C8orf34: variants seen among roughly 807,000 people sequenced by gnomAD.
The protein encoded by C8orf34 is chromosome 8 open reading frame 34, also known as uncharacterized protein C8orf34.
C8orf34 carries 65 observed loss-of-function variants against 68.3 expected under a neutral mutation model. The observed-to-expected ratio is 0.95, with a 90% CI of 0.78 to 1.17. The LOEUF is 1.17. Ranked by LOEUF, C8orf34 falls within the 50% of genes most tolerant of loss-of-function variation. The pLI, the probability that C8orf34 is intolerant of heterozygous loss-of-function variation, is 0.00. For synonymous variants in C8orf34, 244 were observed against 241.2 expected, an observed-to-expected ratio of 1.01 and a Z score of -0.11; for missense variants, 664 against 655.4, an observed-to-expected ratio of 1.01 and a Z score of -0.14.
chr8:68,800,043 G>T (rs549142688), intron 12 of C8orf34, among the ~76,000 whole-genome samples: 1 of 152,266 alleles, frequency 6.6e-6, no homozygotes, highest in African/African-American at 2.4e-5. Flanking sequence ...GACACAGGGG[G>T]TGAGAAGGAA....
At chr8:68,546,559 C>T (rs957055774) in intron 7 of C8orf34, among the ~76,000 whole-genome samples, 2 of 151,478 alleles carry the variant, frequency 1.3e-5, no homozygotes, top group Non-Finnish European at 3.0e-5. Flanking sequence ...ACATATTTCT[C>T]TAAATAATTC....
intron 1 of C8orf34, among the ~76,000 whole-genome samples, chr8:68,367,909 A>C (rs1807362782): frequency 1.0e-5 from 1 of 96,004 alleles, no homozygotes; most frequent in East Asian, 3.5e-4. Flanking sequence ...TAAAAAAAGA[A>C]AAGAAAAAAA....
intron 3 of C8orf34, among the ~76,000 whole-genome samples, chr8:68,464,146 T>A (rs1038743584): frequency 4.0e-4 from 61 of 151,962 alleles, no homozygotes; most frequent in African/African-American, 1.4e-3. Flanking sequence ...TATACACCAA[T>A]AACAGACAAA....
intron 3 of C8orf34, among the ~76,000 whole-genome samples, chr8:68,466,171 A>C (rs1412786882): frequency 2.0e-5 from 3 of 152,060 alleles, no homozygotes; most frequent in African/African-American, 7.2e-5. Context: ...GGAGCCAATA[A>C]AACTAATCAC....
chr8:68,557,862 G>T (rs763740139), intron 7 of C8orf34, among the ~76,000 whole-genome samples: 21 of 152,140 alleles, frequency 1.4e-4, no homozygotes, highest in Non-Finnish European at 2.8e-4. Context: ...TCCAGACCAG[G>T]TGCCCATAGC....
intron 8 of C8orf34, among the ~76,000 whole-genome samples, chr8:68,677,793 A>G (rs774086598): frequency 6.6e-6 from 1 of 152,222 alleles, no homozygotes. Context: ...TCAACAAAAC[A>G]AAAAATTGGC....
chr8:68,775,046 A>G (rs1823472947), intron 10 of C8orf34, among the ~76,000 whole-genome samples: 1 of 145,146 alleles, frequency 6.9e-6, no homozygotes, highest in South Asian at 2.2e-4. Context: ...TGAACCTGGG[A>G]GGCGGAAGTT....
intron 10 of C8orf34, among the ~76,000 whole-genome samples, chr8:68,736,979 TA>T (rs1272943641): frequency 1.3e-5 from 2 of 152,104 alleles, no homozygotes; most frequent in Admixed American, 6.6e-5. Flanking sequence ...TTTATCTAAC[TA>T]AATAACAGTA....
Position 68,490,938 on chromosome 8 carries a change from C to G in C8orf34, c.765+2887C>G, listed in dbSNP as rs567365125. Reference sequence around the variant, plus strand: ...AGGGAGGCAGCCACTGAAAAACAGCCAATCGGAATGGTTTGCAGTTAGTAT... The same window carrying G: ...AGGGAGGCAGCCACTGAAAAACAGCGAATCGGAATGGTTTGCAGTTAGTAT... On this transcript the variant is annotated intron_variant, in intron 5 of 13. Transcript: ENST00000518698. Among the ~76,000 whole-genome samples the G allele has an allele frequency of 7.2e-5, 11 of 152,296 alleles. No individual in the cohort carries two copies. The South Asian group carries it at 2.3e-3, about 32-fold the overall frequency.
chr8:68,559,111 A>G (rs6472406), intron 7 of C8orf34, among the ~76,000 whole-genome samples: 40,093 of 152,040 alleles, frequency 0.26, 8,201 homozygotes, highest in African/African-American at 0.58. Context: ...GATCATATTT[A>G]CATTTTAAAA....
chr8:68,670,163 T>C (rs1216514391), intron 8 of C8orf34, among the ~76,000 whole-genome samples: 1 of 152,184 alleles, frequency 6.6e-6, no homozygotes, highest in Non-Finnish European at 1.5e-5. Flanking sequence ...CATAAAATGA[T>C]ATCCCAAATT....
chr8:68,370,420 C>T (rs1242393262), intron 1 of C8orf34, among the ~76,000 whole-genome samples: 1 of 152,158 alleles, frequency 6.6e-6, no homozygotes, highest in Admixed American at 6.5e-5. Flanking sequence ...AAGAGCCAAT[C>T]CCAGTGGCAA....
chr8:68,772,596 T>C (rs1188083202), intron 10 of C8orf34, among the ~76,000 whole-genome samples: 2 of 152,202 alleles, frequency 1.3e-5, no homozygotes, highest in Non-Finnish European at 2.9e-5. Context: ...TAAACACTTA[T>C]CTCAACTGCG....
intron 4 of C8orf34, among the ~76,000 whole-genome samples, chr8:68,486,885 C>A (rs551314624): frequency 1.3e-5 from 2 of 152,166 alleles, no homozygotes; most frequent in Non-Finnish European, 2.9e-5. Context: ...AAACTTTAGA[C>A]CTTTCCTTAT....
At position 68,450,889 on chromosome 8, in the gene C8orf34, T is replaced by G. The variant is rs28815768; in HGVS notation, c.607+4429T>G. 4.4e-3 allele frequency among the ~76,000 whole-genome samples: 664 copies of G among 152,238 alleles called. 8 individuals are homozygous for G. Among genetic ancestry groups the G allele is most frequent in the African/African-American group, 0.015 (632 of 41,558 alleles). ...TTAGCCCCTGATAAGAGAGTCAGCCTATCCTTTGAAACTTGAAGCCAGGCA... is the reference window on the plus strand; with the variant it reads ...TTAGCCCCTGATAAGAGAGTCAGCCGATCCTTTGAAACTTGAAGCCAGGCA... On this transcript the variant is annotated intron_variant, in intron 3 of 13. Transcript: ENST00000518698.
chr8:68,713,040 C>T (rs1174897331), intron 9 of C8orf34, among the ~76,000 whole-genome samples: 1 of 152,112 alleles, frequency 6.6e-6, no homozygotes, highest in East Asian at 1.9e-4. Context: ...CATGCAAATA[C>T]ATGGAAATTA....
intron 8 of C8orf34, among the ~76,000 whole-genome samples, chr8:68,656,067 C>T (rs575862892): frequency 6.6e-6 from 1 of 152,132 alleles, no homozygotes; most frequent in East Asian, 1.9e-4. Context: ...GTTGAAGGTC[C>T]CTGTGCTTGG....
At chr8:68,611,442 T>C (rs1350652303) in intron 7 of C8orf34, among the ~76,000 whole-genome samples, 2 of 152,198 alleles carry the variant, frequency 1.3e-5, no homozygotes, top group Non-Finnish European at 2.9e-5. Context: ...CTAGGATTGT[T>C]AGCCCACAAG....
chr8:68,343,813 C>T (rs1453263072), intron 1 of C8orf34, among the ~76,000 whole-genome samples: 1 of 152,000 alleles, frequency 6.6e-6, no homozygotes, highest in Non-Finnish European at 1.5e-5. Flanking sequence ...AGGCTAGTCT[C>T]GAACTCCTGA....
Sources: gnomAD v4.1 joint callset for allele counts (sites outside exome capture counted in the v4.1 genomes callset) on GRCh38, gnomAD v4.1.1 for gene constraint, MANE v1.5 for transcripts, NCBI Gene and HGNC (gene_info 2026-07-23, HGNC 2026-07-21) for gene names.